The following PCCA variants were observed in gnomAD, a reference collection of about 807,000 sequenced individuals.
The protein encoded by PCCA is propionyl-CoA carboxylase alpha chain, mitochondrial.
PCCA carries 74 observed loss-of-function variants against 101.3 expected under a neutral mutation model. The ratio of observed to expected loss-of-function variants is 0.73; its 90% CI spans 0.61 to 0.89. The LOEUF is 0.89. PCCA is among the 40% of genes least tolerant of loss of function. The pLI is 0.00. For missense variants in PCCA, 891 were observed against 907.0 expected (o/e 0.98, Z 0.23); for synonymous variants, 294 against 313.6 (o/e 0.94, Z 0.66).
intron 17 of PCCA, among the ~76,000 whole-genome samples, chr13:100,338,349 C>T (rs1321233267): frequency 2.0e-5 from 3 of 151,416 alleles, no homozygotes; most frequent in African/African-American, 7.3e-5. Flanking sequence ...TACGTGTTGA[C>T]ATGCATGAGA....
intron 17 of PCCA, 108 bp downstream of exon 17, chr13:100,330,779 A>T: frequency 2.8e-6 from 2 of 707,832 alleles, no homozygotes; most frequent in Non-Finnish European, 5.0e-6. Context: ...GGCTTATATT[A>T]TACTTCATTT....
intron 19 of PCCA, among the ~76,000 whole-genome samples, chr13:100,388,855 C>G (rs1423393652): frequency 6.6e-6 from 1 of 152,170 alleles, no homozygotes; most frequent in Non-Finnish European, 1.5e-5. Flanking sequence ...TTTGACCCCT[C>G]AAAGTTGTTT....
chr13:100,230,511 C>A (rs1177354640), intron 7 of PCCA, among the ~76,000 whole-genome samples: 1 of 150,646 alleles, frequency 6.6e-6, no homozygotes, highest in Non-Finnish European at 1.5e-5. Context: ...TGCCACTGCA[C>A]TCCAGCCTGA....
At chr13:100,135,703 G>C (rs866166899) in intron 4 of PCCA, among the ~76,000 whole-genome samples, 2 of 152,008 alleles carry the variant, frequency 1.3e-5, no homozygotes, top group Non-Finnish European at 2.9e-5. Flanking sequence ...AAGAGGAAGA[G>C]GAGTAGCAGT....
Position 100,472,690 on chromosome 13 carries a change from G to A in PCCA, c.1899+23385G>A, listed in dbSNP as rs917254822. ...GTGGGCTTTGGGGTGGTCTCTATTT[G>A]CCTGGTATCTGGCCCTGGGATGTTT... is the stretch of plus-strand genomic sequence containing the variant. On this transcript the variant is annotated intron_variant, in intron 21 of 23. Transcript: ENST00000376285. Among the ~76,000 whole-genome samples, 3 of 151,998 alleles carry A rather than the reference G, an allele frequency of 2.0e-5. No individual in the cohort carries two copies. The East Asian group carries it at 5.8e-4, about 29-fold the overall frequency.
intron 16 of PCCA, among the ~76,000 whole-genome samples, chr13:100,310,395 T>G (rs962051311): frequency 2.6e-5 from 4 of 152,206 alleles, no homozygotes; most frequent in Non-Finnish European, 5.9e-5. Flanking sequence ...GCATTTTTAT[T>G]GTGGTAATTG....
intron 21 of PCCA, chr13:100,490,007 C>T (rs2084777437): frequency 6.6e-6 from 1 of 152,246 alleles, no homozygotes; most frequent in Non-Finnish European, 1.5e-5. Flanking sequence ...TTAAATACCC[C>T]ATGGTGTGTG....
At chr13:100,316,975 T>C (rs1255328340) in intron 16 of PCCA, among the ~76,000 whole-genome samples, 2 of 152,050 alleles carry the variant, frequency 1.3e-5, no homozygotes, top group East Asian at 3.9e-4. Flanking sequence ...GGTTTCACCA[T>C]GTTGGTCAGG....
chr13:100,499,266 G>A lies in PCCA; in HGVS notation c.1900-16161G>A, dbSNP rs983595705. On this transcript the variant is annotated intron_variant, in intron 21 of 23. Coordinates refer to ENST00000376285, the MANE Select transcript of PCCA (RefSeq NM_000282.4). ...GTCAGCATCCGCGCTCACATAACTG[G>A]TGAAACTAGGAGATAGTTTTGTATC... is the stretch of plus-strand genomic sequence containing the variant. 3.9e-5 allele frequency among the ~76,000 whole-genome samples: 6 copies of A among 152,294 alleles called. No homozygotes were observed. In the South Asian group the frequency reaches 8.3e-4, roughly 21 times the overall value.
rs142770565 is a variant in PCCA at position 100,182,081 on chromosome 13, A to G, written c.468+24741A>G. ...ACTGAAAGAACACTTAGTTACTAAT[A>G]TTGTTTTTTTCTTTTTCTTTTTTTT... is the stretch of plus-strand genomic sequence containing the variant. On this transcript the variant is annotated intron_variant, in intron 6 of 23. Coordinates refer to ENST00000376285, the MANE Select transcript of PCCA (RefSeq NM_000282.4). 2.8e-3 allele frequency among the ~76,000 whole-genome samples: 331 copies of G among 119,608 alleles called. 3 individuals carry two copies. The highest frequency in any genetic ancestry group is 0.01 in the South Asian group (37 of 3,672). 78.5% of individuals were successfully genotyped at this position (119,608 alleles called of 152,430 possible). A position where few individuals can be genotyped will look rare whatever the true frequency, so the allele number is the denominator to read the frequency against.
At chr13:100,460,220 A>G (rs2082079453) in intron 21 of PCCA, among the ~76,000 whole-genome samples, 1 of 152,240 alleles carries the variant, frequency 6.6e-6, no homozygotes, top group Non-Finnish European at 1.5e-5. Context: ...AAGAAATCGA[A>G]GAGAGCTGGT....
rs2061837766 is a variant in PCCA at position 100,252,762 on chromosome 13, C to G, written c.638-4833C>G. Among the ~76,000 whole-genome samples the G allele has an allele frequency of 2.0e-5, 3 of 152,334 alleles. No homozygotes were observed. The South Asian group carries it at 6.2e-4, about 32-fold the overall frequency. ...TCATTCATCCCCTTATCTTCCACAT[C>G]CAAACTGTCGCTAACTCTAGTCTTT... On this transcript the variant is annotated intron_variant, in intron 8 of 23. Coordinates refer to ENST00000376285, the MANE Select transcript of PCCA (RefSeq NM_000282.4).
intron 6 of PCCA, among the ~76,000 whole-genome samples, chr13:100,171,456 G>A (rs2055628650): frequency 6.6e-6 from 1 of 152,128 alleles, no homozygotes; most frequent in African/African-American, 2.4e-5. Context: ...GAATGAGCAT[G>A]CCTCCTCTGA....
At chr13:100,261,552 G>C (rs750713081) in intron 9 of PCCA, among the ~76,000 whole-genome samples, 3 of 152,028 alleles carry the variant, frequency 2.0e-5, no homozygotes, top group Non-Finnish European at 4.4e-5. Flanking sequence ...TTTTAGTACT[G>C]ATGGGATTTC....
chr13:100,319,946 T>G (rs1375230779), intron 16 of PCCA, among the ~76,000 whole-genome samples: 1 of 152,228 alleles, frequency 6.6e-6, no homozygotes, highest in African/African-American at 2.4e-5. Context: ...CGATATTAGT[T>G]CTTCCTATCC....
At chr13:100,461,626 C>T (rs949872547) in intron 21 of PCCA, among the ~76,000 whole-genome samples, 2 of 152,184 alleles carry the variant, frequency 1.3e-5, no homozygotes, top group African/African-American at 4.8e-5. Context: ...TCTGTCCCAT[C>T]CCTTTCTCTG....
chr13:100,253,990 G>A (rs1594945017), intron 8 of PCCA, among the ~76,000 whole-genome samples: 1 of 151,980 alleles, frequency 6.6e-6, no homozygotes, highest in Non-Finnish European at 1.5e-5. Flanking sequence ...CTGAGACTGG[G>A]TAGTGTATAA....
chr13:100,297,850 C>T (rs1421155831), intron 12 of PCCA, among the ~76,000 whole-genome samples: 1 of 152,028 alleles, frequency 6.6e-6, no homozygotes, highest in African/African-American at 2.4e-5. Flanking sequence ...AGGGATATAA[C>T]CAATACAAAT....
Position 100,268,717 on chromosome 13 carries a change from T to C in PCCA, c.848T>C (p.Leu283Ser), listed in dbSNP as rs1435939580. ...CTAGGTGATAAACATGGGAATGCTTTATGGCTTAATGAAAGAGAGTGCTCA... is the reference window on the plus strand; with the variant it reads ...CTAGGTGATAAACATGGGAATGCTTCATGGCTTAATGAAAGAGAGTGCTCA... ...QVLGDKHGNA[L>S]WLNERECSIQ... The change falls in exon 11 of 24, where the codon TTA becomes TCA. Residue 283 changes from leucine to serine, a missense_variant. By Grantham distance (145) the Leu-to-Ser change is moderately radical (BLOSUM62 -2). Transcript: ENST00000376285. 1 of 1,614,070 alleles carries C rather than the reference T, an allele frequency of 6.2e-7. No individual in the cohort carries two copies. Among genetic ancestry groups the C allele is most frequent in the South Asian group, 1.1e-5 (1 of 91,078 alleles).
Sources: allele counts gnomAD v4.1 joint callset (sites outside exome capture counted in the v4.1 genomes callset), GRCh38; gene constraint gnomAD v4.1.1; transcripts MANE v1.5; gene names NCBI Gene and HGNC (gene_info 2026-07-23, HGNC 2026-07-21).